The following SLC26A5 variants were observed in gnomAD, a reference collection of about 807,000 sequenced individuals.
The protein encoded by SLC26A5 is prestin.
In SLC26A5, 51 loss-of-function variants were observed where a neutral mutation model predicts 81.0. That is an observed-to-expected ratio of 0.63 (90% CI 0.50 to 0.80). The LOEUF is 0.80. Among genes scored for constraint, SLC26A5 ranks in the 30% least tolerant of loss-of-function variants. SLC26A5 has a pLI of 0.00. For missense variants in SLC26A5, 771 were observed against 905.8 expected, an observed-to-expected ratio of 0.85 and a Z score of 1.91; for synonymous variants, 325 against 332.8, an observed-to-expected ratio of 0.98 and a Z score of 0.25.
chr7:103,406,974 T>G (rs895522175), intron 8 of SLC26A5, among the ~76,000 whole-genome samples: 1 of 152,204 alleles, frequency 6.6e-6, no homozygotes, highest in Non-Finnish European at 1.5e-5. Context: ...TTCTTATCCT[T>G]GCCGCTCCCA....
At chr7:103,413,328 G>A (rs1423663651) in intron 4 of SLC26A5, among the ~76,000 whole-genome samples, 1 of 152,050 alleles carries the variant, frequency 6.6e-6, no homozygotes, top group Non-Finnish European at 1.5e-5. Flanking sequence ...TTTGCCAGTG[G>A]GTGATTTTTT....
chr7:103,399,593 A>G (rs1823415347), intron 8 of SLC26A5, among the ~76,000 whole-genome samples: 1 of 152,160 alleles, frequency 6.6e-6, no homozygotes. Flanking sequence ...TAAATTTATT[A>G]TACTTTAAGT....
At chr7:103,373,221 G>A (rs1821129535), downstream of SLC26A5, among the ~76,000 whole-genome samples, 1 of 152,076 alleles carries the variant, frequency 6.6e-6, no homozygotes, top group South Asian at 2.1e-4. Context: ...AGTCACAAAG[G>A]GGAAAAATCT....
At chr7:103,410,579 T>A in intron 6 of SLC26A5, 30 bp from the exon 7 acceptor site, 1 of 1,569,282 alleles carries the variant, frequency 6.4e-7, no homozygotes, top group Non-Finnish European at 8.7e-7. Context: ...AAGAAACAAA[T>A]GAATCACATG....
chr7:103,363,995 A>G (rs1820557522), intron 19 of SLC26A5: 2 of 708,280 alleles, frequency 2.8e-6, no homozygotes, highest in Non-Finnish European at 2.2e-6. Flanking sequence ...TCAAGTATGT[A>G]TATTGTGGAC....
intron 8 of SLC26A5, among the ~76,000 whole-genome samples, chr7:103,399,382 G>T (rs967957769): frequency 1.3e-5 from 2 of 152,272 alleles, no homozygotes; most frequent in East Asian, 1.9e-4. Context: ...GAGAGAAGAG[G>T]TTTTGAAACT....
chr7:103,357,103 A>G (rs1356050792), intron 19 of SLC26A5, among the ~76,000 whole-genome samples: 2 of 152,102 alleles, frequency 1.3e-5, no homozygotes, highest in South Asian at 2.1e-4. Context: ...AGGCAGGCAG[A>G]TGACTTGAGG....
At chr7:103,411,362 G>C in intron 6 of SLC26A5, 58 bp downstream of exon 6, 1 of 1,601,266 alleles carries the variant, frequency 6.2e-7, no homozygotes. Flanking sequence ...AGAGCACTCA[G>C]TAGATACTTG....
In SLC26A5 at chr7:103,413,059, A is replaced by G; in HGVS notation, c.346T>C (p.Ser116Pro). The change falls in exon 5 of 20, where the codon TCA (serine) becomes CCA (proline). Residue 116 changes from serine (S) to proline (P), a missense_variant. Ser to Pro is a moderately conservative substitution (Grantham distance 74). Transcript: ENST00000306312. ...CAATACATGATAACAGGGTAAAATG[A>G]AGAGTACAGGCCAAATATTGGAGGC... is the stretch of plus-strand genomic sequence containing the variant. ...AVPPIFGLYS[S>P]FYPVIMYCFL... 1 of 1,614,078 alleles carries G rather than the reference A, an allele frequency of 6.2e-7. No individual in the cohort carries two copies. Among genetic ancestry groups the G allele is most frequent in the Non-Finnish European group, 8.5e-7 (1 of 1,179,966 alleles).
At chr7:103,358,501 C>G (rs1820171481) in intron 19 of SLC26A5, among the ~76,000 whole-genome samples, 1 of 151,982 alleles carries the variant, frequency 6.6e-6, no homozygotes, top group African/African-American at 2.4e-5. Context: ...TCCTGTTTTT[C>G]TTCTTTTTGC....
chr7:103,372,532 C>A (rs905497184), downstream of SLC26A5, among the ~76,000 whole-genome samples: 3 of 152,174 alleles, frequency 2.0e-5, no homozygotes, highest in African/African-American at 7.2e-5. Flanking sequence ...CTGAAAGTGA[C>A]AAATTGGTTT....
chr7:103,370,998 A>G (rs1238884646), downstream of SLC26A5, among the ~76,000 whole-genome samples: 2 of 152,252 alleles, frequency 1.3e-5, no homozygotes, highest in South Asian at 2.1e-4. Flanking sequence ...AAGATACAGT[A>G]GCAGCTATTA....
intron 17 of SLC26A5, 89 bp from the exon 18 acceptor site, chr7:103,377,888 G>T: frequency 7.9e-7 from 1 of 1,270,166 alleles, no homozygotes; most frequent in Non-Finnish European, 1.1e-6. Flanking sequence ...ATCTGCTCTT[G>T]TGTTCTTAAG....
At chr7:103,395,048 T>C (rs1349902349) in intron 9 of SLC26A5, among the ~76,000 whole-genome samples, 1 of 152,184 alleles carries the variant, frequency 6.6e-6, no homozygotes, top group Non-Finnish European at 1.5e-5. Flanking sequence ...CCTCCAACAC[T>C]AGTCACACCT....
intron 19 of SLC26A5, chr7:103,355,080 G>T: frequency 1.5e-6 from 1 of 680,956 alleles, no homozygotes. Flanking sequence ...TTTCTGTTAA[G>T]AAATTAGATC....
Position 103,380,521 on chromosome 7 carries a change from G to C in SLC26A5, c.1543C>G (p.Pro515Ala), listed in dbSNP as rs1164090330. 1 of 1,613,766 alleles carries C rather than the reference G, an allele frequency of 6.2e-7. No individual in the cohort carries two copies. Among genetic ancestry groups the C allele is most frequent in the Admixed American group, 1.7e-5 (1 of 59,988 alleles). The change falls in exon 15 of 20, where the codon CCT becomes GCT. Residue 515 changes from proline (P) to alanine (A), a missense_variant. Physicochemically the swap from Pro to Ala is conservative, Grantham distance 27 (BLOSUM62 -1). Transcript: ENST00000306312. ...ATATCAATATACACATCAGTTTCAG[G>C]AAGCTTTCCAAGGACTTTGTAGCTT... Reference protein sequence around the residue: ...SPSYKVLGKLPETDVYIDIDA... With the variant: ...SPSYKVLGKLAETDVYIDIDA...
At chr7:103,378,974 G>C (rs1821569907) in intron 16 of SLC26A5, among the ~76,000 whole-genome samples, 1 of 152,052 alleles carries the variant, frequency 6.6e-6, no homozygotes, top group Non-Finnish European at 1.5e-5. Context: ...TTAAAATTTT[G>C]TTTGAAAAGT....
intron 4 of SLC26A5, among the ~76,000 whole-genome samples, chr7:103,418,038 C>T (rs1234670162): frequency 6.6e-6 from 1 of 152,188 alleles, no homozygotes; most frequent in Non-Finnish European, 1.5e-5. Context: ...CCACACCCAG[C>T]CCTGTCATCT....
chr7:103,364,427 G>T, intron 19 of SLC26A5: 1 of 1,140,328 alleles, frequency 8.8e-7, no homozygotes, highest in Non-Finnish European at 1.2e-6. Context: ...TTCTTTTGTT[G>T]AGACAGAGTC....
Sources: allele counts gnomAD v4.1 joint callset (sites outside exome capture counted in the v4.1 genomes callset), GRCh38; gene constraint gnomAD v4.1.1; transcripts MANE v1.5; gene names NCBI Gene and HGNC (gene_info 2026-07-23, HGNC 2026-07-21).